Variants in STPG2 observed in about 807,000 individuals in gnomAD.
The protein encoded by STPG2 is sperm tail PG-rich repeat containing 2, also known as sperm-tail PG-rich repeat-containing protein 2.
A neutral mutation model predicts 54.2 loss-of-function variants in STPG2; 56 were observed. The observed-to-expected ratio is 1.03, with a 90% CI of 0.83 to 1.29. STPG2 has a LOEUF of 1.29. STPG2 is among the 50% of genes most tolerant of loss of function. STPG2 has a pLI of 0.00. For synonymous variants in STPG2, 200 were observed against 181.8 expected, an observed-to-expected ratio of 1.10 and a Z score of -0.81; for missense variants, 596 against 544.9, an observed-to-expected ratio of 1.09 and a Z score of -0.93.
At chr4:97,460,478 A>T (rs1729636089) in intron 4 of STPG2, among the ~76,000 whole-genome samples, 1 of 150,206 alleles carries the variant, frequency 6.7e-6, no homozygotes, top group African/African-American at 2.5e-5. Flanking sequence ...GTCTTCACTT[A>T]TTTTGGGACA....
At chr4:97,951,455 C>T (rs907828711) in intron 7 of STPG2, among the ~76,000 whole-genome samples, 1 of 152,142 alleles carries the variant, frequency 6.6e-6, no homozygotes, top group Admixed American at 6.5e-5. Context: ...ACTATTTCTT[C>T]TAATTATTCT....
At chr4:97,928,378 TTTG>T (rs1419738868) in intron 8 of STPG2, among the ~76,000 whole-genome samples, 1 of 152,148 alleles carries the variant, frequency 6.6e-6, no homozygotes, top group African/African-American at 2.4e-5. Context: ...GTGTAGAAGT[TTTG>T]TTATTTTCAG....
At chr4:97,991,430 AGTGTGT>A (rs150498433) in intron 5 of STPG2, among the ~76,000 whole-genome samples, 2 of 141,418 alleles carry the variant, frequency 1.4e-5, no homozygotes, top group South Asian at 2.3e-4. Context: ...AATACTACTC[AGTGTGT>A]GTGTGTGTGT....
In STPG2 at chr4:98,067,934, G is replaced by C. The variant is rs539240075; in HGVS notation, c.612+38019C>G. Among the ~76,000 whole-genome samples, 4 of 152,134 alleles carry C rather than the reference G, an allele frequency of 2.6e-5. No individual in the cohort carries two copies. In the South Asian group the frequency reaches 8.3e-4, roughly 32 times the overall value. On this transcript the variant is annotated intron_variant, in intron 5 of 10. Coordinates refer to ENST00000295268, the MANE Select transcript of STPG2 (RefSeq NM_174952.3). ...CCATCTGTCACTTATCATTGAGTTA[G>C]AAGAAAACAAAAGCAGGGTTATTTT...
intron 9 of STPG2, among the ~76,000 whole-genome samples, chr4:97,729,775 T>A (rs2149025512): frequency 6.6e-6 from 1 of 152,274 alleles, no homozygotes; most frequent in African/African-American, 2.4e-5. Flanking sequence ...CAATACAATT[T>A]GTCACAAGTG....
At chr4:97,798,293 C>T (rs1727270039) in intron 9 of STPG2, among the ~76,000 whole-genome samples, 6 of 152,102 alleles carry the variant, frequency 3.9e-5, no homozygotes. Flanking sequence ...AATTTTAGAT[C>T]TTTCCTACTT....
chr4:97,557,366 A>G (rs1350673613), downstream of STPG2, among the ~76,000 whole-genome samples: 1 of 152,240 alleles, frequency 6.6e-6, no homozygotes, highest in African/African-American at 2.4e-5. Flanking sequence ...TGATATTGCC[A>G]TAATGATAAA....
At chr4:97,640,381 C>G (rs182612405) in intron 10 of STPG2, among the ~76,000 whole-genome samples, 1 of 151,780 alleles carries the variant, frequency 6.6e-6, no homozygotes, top group African/African-American at 2.4e-5. Context: ...AATAACCTAA[C>G]TTTAAAGGAC....
intron 1 of STPG2, among the ~76,000 whole-genome samples, chr4:98,141,143 AT>A (rs1291302075): frequency 1.3e-5 from 2 of 152,188 alleles, no homozygotes; most frequent in Non-Finnish European, 2.9e-5. Flanking sequence ...GATGGATTTT[AT>A]TTAATCCTAT....
At chr4:97,664,489 A>AT (rs1397410760) in intron 10 of STPG2, among the ~76,000 whole-genome samples, 1 of 152,168 alleles carries the variant, frequency 6.6e-6, no homozygotes, top group Non-Finnish European at 1.5e-5. Context: ...TTCTTTCTCT[A>AT]TTTCCTCAGT....
At chr4:97,604,141 T>A (rs1733533986) in intron 10 of STPG2, among the ~76,000 whole-genome samples, 1 of 151,650 alleles carries the variant, frequency 6.6e-6, no homozygotes, top group Non-Finnish European at 1.5e-5. Flanking sequence ...TGGACTCAGT[T>A]TTACTCTAGG....
chr4:97,483,358 TTAAAG>T (rs1328222551), intron 4 of STPG2, among the ~76,000 whole-genome samples: 2 of 151,476 alleles, frequency 1.3e-5, no homozygotes, highest in Non-Finnish European at 3.0e-5. Flanking sequence ...TCACATAAAC[TTAAAG>T]TAAAGGGGTA....
At chr4:97,717,269 C>A (rs1251941634) in intron 9 of STPG2, among the ~76,000 whole-genome samples, 1 of 152,050 alleles carries the variant, frequency 6.6e-6, no homozygotes, top group Non-Finnish European at 1.5e-5. Flanking sequence ...GTTCAAAAAC[C>A]AAAAGGGTAT....
intron 10 of STPG2, among the ~76,000 whole-genome samples, chr4:97,708,254 T>A (rs1386779302): frequency 6.6e-6 from 1 of 151,510 alleles, no homozygotes; most frequent in Non-Finnish European, 1.5e-5. Context: ...AAAAATAAAA[T>A]CTAAAAAAAT....
At chr4:97,594,212 C>T (rs1457338387) in intron 10 of STPG2, among the ~76,000 whole-genome samples, 1 of 152,090 alleles carries the variant, frequency 6.6e-6, no homozygotes, top group Non-Finnish European at 1.5e-5. Flanking sequence ...CATCAAGATT[C>T]AGAAGAAAGT....
intron 4 of STPG2, among the ~76,000 whole-genome samples, chr4:97,446,918 GA>G (rs1198794260): frequency 6.6e-6 from 1 of 152,196 alleles, no homozygotes; most frequent in Non-Finnish European, 1.5e-5. Context: ...CTGCTATAAA[GA>G]TAACATGAAA....
At chr4:97,734,234 C>A (rs1289169865) in intron 9 of STPG2, among the ~76,000 whole-genome samples, 2 of 152,138 alleles carry the variant, frequency 1.3e-5, no homozygotes, top group Non-Finnish European at 2.9e-5. Context: ...TGAATTTTCT[C>A]ATAGGCTTTA....
At chr4:97,851,424 T>A (rs1254519247) in intron 8 of STPG2, among the ~76,000 whole-genome samples, 3 of 152,222 alleles carry the variant, frequency 2.0e-5, no homozygotes, top group Non-Finnish European at 2.9e-5. Context: ...GCTGACACTA[T>A]GCCTTGAAAG....
At chr4:97,863,932 T>C (rs1052772441) in intron 8 of STPG2, among the ~76,000 whole-genome samples, 1 of 152,184 alleles carries the variant, frequency 6.6e-6, no homozygotes, top group Admixed American at 6.5e-5. Context: ...AAATTAGGTA[T>C]TGATGGGATG....
Sources: allele counts gnomAD v4.1 joint callset (sites outside exome capture counted in the v4.1 genomes callset), GRCh38; gene constraint gnomAD v4.1.1; transcripts MANE v1.5; gene names NCBI Gene and HGNC (gene_info 2026-07-23, HGNC 2026-07-21).